The following RALYL variants were observed in gnomAD, a reference collection of about 807,000 sequenced individuals.
RALYL encodes RNA-binding Raly-like protein.
RALYL carries 29 observed loss-of-function variants against 35.1 expected under a neutral mutation model. The ratio of observed to expected loss-of-function variants is 0.83; its 90% CI spans 0.61 to 1.13. RALYL has a LOEUF of 1.13. RALYL is among the 50% of genes most tolerant of loss of function. RALYL has a pLI of 0.00. For missense variants in RALYL, 359 were observed against 360.4 expected (o/e 1.00, Z 0.03); for synonymous variants, 120 against 127.6 (o/e 0.94, Z 0.40).
intron 1 of RALYL, among the ~76,000 whole-genome samples, chr8:84,328,811 A>G (rs1846300344): frequency 1.3e-5 from 2 of 152,110 alleles, no homozygotes; most frequent in South Asian, 4.1e-4. Flanking sequence ...CTTTATGTCC[A>G]TGAATGCCCA....
In RALYL at chr8:84,355,940, G is replaced by A. The variant is rs1851735756; in HGVS notation, c.-24+171516G>A. ...TTGAATTGGAGGAGGGGCCTAATGG[G>A]AGGTGATTGGATCATGGGGGTGGAT... On this transcript the variant is annotated intron_variant, in intron 1 of 8. Coordinates refer to ENST00000521268, the MANE Select transcript of RALYL (RefSeq NM_173848.7). 1.3e-5 allele frequency among the ~76,000 whole-genome samples: 2 copies of A among 150,022 alleles called. 1 individual carries two copies. The highest frequency in any genetic ancestry group is 3.0e-5 in the Non-Finnish European group (2 of 67,606).
intron 1 of RALYL, among the ~76,000 whole-genome samples, chr8:84,333,349 A>C (rs1847180041): frequency 6.6e-6 from 1 of 152,178 alleles, no homozygotes; most frequent in African/African-American, 2.4e-5. Context: ...CTTGCAAATA[A>C]AACACACTGT....
chr8:84,625,173 T>A (rs1273928934), intron 2 of RALYL, among the ~76,000 whole-genome samples: 1 of 152,198 alleles, frequency 6.6e-6, no homozygotes, highest in Non-Finnish European at 1.5e-5. Context: ...AATTTCACAG[T>A]CCTTAATTGA....
intron 2 of RALYL, among the ~76,000 whole-genome samples, chr8:84,672,067 C>G (rs1014053319): frequency 6.6e-6 from 1 of 152,106 alleles, no homozygotes; most frequent in Admixed American, 6.5e-5. Context: ...TAAAGAGCAC[C>G]CAAGTCACAT....
At chr8:84,531,553 G>T (rs1298073311) in intron 2 of RALYL, among the ~76,000 whole-genome samples, 1 of 151,714 alleles carries the variant, frequency 6.6e-6, no homozygotes. Context: ...TTTGATATGG[G>T]AATTTTCTGA....
chr8:84,614,191 A>AAC (rs1818926703), intron 2 of RALYL, among the ~76,000 whole-genome samples: 1 of 151,682 alleles, frequency 6.6e-6, no homozygotes, highest in Non-Finnish European at 1.5e-5. Flanking sequence ...AGAACTCAGT[A>AAC]AGCCTTAGCT....
chr8:84,505,524 T>C (rs1182562265), intron 1 of RALYL, among the ~76,000 whole-genome samples: 1 of 152,042 alleles, frequency 6.6e-6, no homozygotes. Context: ...TAAAAACACA[T>C]ACAGAATAAT....
chr8:84,450,309 G>A (rs1466476141), intron 1 of RALYL, among the ~76,000 whole-genome samples: 2 of 151,826 alleles, frequency 1.3e-5, no homozygotes, highest in African/African-American at 2.4e-5. Context: ...TCAAAAATTT[G>A]CAGTCCAGTG....
chr8:84,812,623 G>C (rs538827457), intron 4 of RALYL, among the ~76,000 whole-genome samples: 31 of 152,130 alleles, frequency 2.0e-4, no homozygotes, highest in Non-Finnish European at 3.8e-4. Context: ...GTGGGGGACG[G>C]AGATGAGGTT....
At chr8:84,460,102 A>G (rs1185982035) in intron 1 of RALYL, among the ~76,000 whole-genome samples, 4 of 151,798 alleles carry the variant, frequency 2.6e-5, no homozygotes, top group Non-Finnish European at 5.9e-5. Flanking sequence ...ATACAAATAT[A>G]CCTGGAGGTT....
chr8:84,779,954 T>C (rs1330922298), intron 3 of RALYL, among the ~76,000 whole-genome samples: 1 of 152,252 alleles, frequency 6.6e-6, no homozygotes, highest in Admixed American at 6.5e-5. Flanking sequence ...AAAATCAGTA[T>C]GAAGGAAAAA....
At chr8:84,232,922 T>C (rs1189232770) in intron 1 of RALYL, among the ~76,000 whole-genome samples, 4 of 152,184 alleles carry the variant, frequency 2.6e-5, no homozygotes, top group African/African-American at 9.6e-5. Context: ...AAGAAACCTT[T>C]CGCATACTCA....
intron 1 of RALYL, among the ~76,000 whole-genome samples, chr8:84,240,233 A>G (rs1827566398): frequency 1.3e-5 from 2 of 152,282 alleles, no homozygotes; most frequent in South Asian, 4.1e-4. Flanking sequence ...AAGCAATTAT[A>G]CTTTTGATGT....
Position 84,248,491 on chromosome 8 carries a change from C to A in RALYL, c.-24+64067C>A, listed in dbSNP as rs1239986745. Among the ~76,000 whole-genome samples the A allele has an allele frequency of 2.0e-5, 3 of 152,040 alleles. No homozygotes were observed. In the East Asian group the frequency reaches 5.8e-4, roughly 29 times the overall value. ...TTAATGATTGTTCTAATATTGTTTC[C>A]ACAAAATGGTAACAGCAGTAATTTG... On this transcript the variant is annotated intron_variant, in intron 1 of 8. Transcript: ENST00000521268.
At chr8:84,502,969 A>C (rs150196973) in intron 1 of RALYL, among the ~76,000 whole-genome samples, 400 of 152,072 alleles carry the variant, frequency 2.6e-3, no homozygotes, top group Middle Eastern at 6.8e-3. Context: ...AACCCGAAAG[A>C]AGGTTTTGAA....
At position 84,651,908 on chromosome 8, in the gene RALYL, C is replaced by T. The variant is rs114202650; in HGVS notation, c.256+122331C>T. 4.1e-3 allele frequency among the ~76,000 whole-genome samples: 619 copies of T among 152,054 alleles called. 6 individuals carry two copies. Among genetic ancestry groups the T allele is most frequent in the African/African-American group, 0.014 (579 of 41,502 alleles). The stretch of plus-strand genomic sequence containing the variant: ...GGATAATTTAAAAGAGTAGAAAAAA[C>T]GTCCAAATATCTTGAATCTGAGAAA... On this transcript the variant is annotated intron_variant, in intron 2 of 8. Transcript: ENST00000521268.
intron 2 of RALYL, among the ~76,000 whole-genome samples, chr8:84,757,485 T>C (rs1341024194): frequency 6.6e-6 from 1 of 152,194 alleles, no homozygotes; most frequent in African/African-American, 2.4e-5. Flanking sequence ...GGAGATGATT[T>C]ATATGCTAGT....
intron 1 of RALYL, among the ~76,000 whole-genome samples, chr8:84,221,870 A>G (rs1170340955): frequency 2.0e-5 from 3 of 152,100 alleles, no homozygotes; most frequent in African/African-American, 4.8e-5. Flanking sequence ...GTCTTTCTAG[A>G]GTCTGCTAGT....
At chr8:84,373,717 A>C (rs1856387025) in intron 1 of RALYL, among the ~76,000 whole-genome samples, 1 of 151,982 alleles carries the variant, frequency 6.6e-6, no homozygotes, top group African/African-American at 2.4e-5. Flanking sequence ...TTATGGATTC[A>C]TATTAATTTT....
Sources: gnomAD v4.1 joint callset for allele counts (sites outside exome capture counted in the v4.1 genomes callset) on GRCh38, gnomAD v4.1.1 for gene constraint, MANE v1.5 for transcripts, NCBI Gene and HGNC (gene_info 2026-07-23, HGNC 2026-07-21) for gene names.